CGNL1: variants seen among roughly 807,000 people sequenced by gnomAD.
CGNL1 encodes the protein cingulin like 1.
In CGNL1, 132 loss-of-function variants were observed where a neutral mutation model predicts 141.2. The observed-to-expected ratio is 0.93, with a 90% confidence interval of 0.81 to 1.08. CGNL1 has a LOEUF of 1.08. CGNL1 is among the 50% of genes least tolerant of loss of function. The probability of loss-of-function intolerance (pLI) is 0.00; values close to 1 mark genes in which losing one functional copy is unlikely to be tolerated. For missense variants in CGNL1, 1,870 were observed against 1,588.6 expected (o/e 1.18, Z -3.01); for synonymous variants, 690 against 622.1 (o/e 1.11, Z -1.63).
At chr15:57,454,902 A>G (rs1267469382) in intron 7 of CGNL1, among the ~76,000 whole-genome samples, 1 of 152,092 alleles carries the variant, frequency 6.6e-6, no homozygotes, top group Non-Finnish European at 1.5e-5. Context: ...GAAAATTGAA[A>G]AAAGGGGGAG....
intron 14 of CGNL1, among the ~76,000 whole-genome samples, chr15:57,537,341 C>T (rs530355587): frequency 1.2e-4 from 19 of 152,098 alleles, no homozygotes; most frequent in Middle Eastern, 3.2e-3. Context: ...CAGTCACTTT[C>T]GGGAACTGCT....
intron 1 of CGNL1, among the ~76,000 whole-genome samples, chr15:57,435,106 G>T (rs576452682): frequency 6.6e-6 from 1 of 152,258 alleles, no homozygotes; most frequent in South Asian, 2.1e-4. Flanking sequence ...AAGATTTAAG[G>T]ATAGGTGTAT....
In CGNL1 at chr15:57,383,200, T is replaced by C. The variant is rs1404337942; in HGVS notation, c.-16+6633T>C. Among the ~76,000 whole-genome samples, 6 of 151,926 alleles carry C rather than the reference T, an allele frequency of 3.9e-5. No homozygotes were observed. The East Asian group carries it at 1.2e-3, about 29-fold the overall frequency. ...GCTTTAGGTGCTGGAGAGGACCTGATAAAGAATGGAGTGAGAGATAAGAGA... is the reference window on the plus strand; with the variant it reads ...GCTTTAGGTGCTGGAGAGGACCTGACAAAGAATGGAGTGAGAGATAAGAGA... On this transcript the variant is annotated intron_variant, in intron 1 of 18. Transcript: ENST00000281282.
intron 1 of CGNL1, among the ~76,000 whole-genome samples, chr15:57,386,128 A>G (rs371537726): frequency 6.6e-6 from 1 of 152,190 alleles, no homozygotes; most frequent in Non-Finnish European, 1.5e-5. Context: ...ACATGACTTA[A>G]CTTCATTTGA....
intron 1 of CGNL1, among the ~76,000 whole-genome samples, chr15:57,429,092 G>C (rs1309951694): frequency 1.3e-5 from 2 of 151,988 alleles, no homozygotes. Context: ...TCTTTTGTTG[G>C]GTACTTGCAA....
chr15:57,480,281 G>A (rs1422261647), intron 8 of CGNL1, among the ~76,000 whole-genome samples: 1 of 152,136 alleles, frequency 6.6e-6, no homozygotes, highest in African/African-American at 2.4e-5. Flanking sequence ...ACTTTGGGAG[G>A]TCGAGGTGGG....
At chr15:57,469,424 G>A (rs1217004700) in intron 8 of CGNL1, among the ~76,000 whole-genome samples, 1 of 150,554 alleles carries the variant, frequency 6.6e-6, no homozygotes, top group African/African-American at 2.4e-5. Context: ...AAGCGAAGGG[G>A]GCCGAGGGCC....
Position 57,547,569 on chromosome 15 carries a change from C to T in CGNL1, c.*79C>T. The T allele has an allele frequency of 6.6e-7, 1 of 1,518,028 alleles. No homozygotes were observed. The highest frequency in any genetic ancestry group is 9.0e-7 in the Non-Finnish European group (1 of 1,115,110). The allele number at this position is 1,518,028 out of a possible 1,614,324, so 94.0% of individuals were successfully genotyped here. A position where few individuals can be genotyped will look rare whatever the true frequency, so the allele number is the denominator to read the frequency against. On this transcript the variant is annotated 3_prime_UTR_variant, in exon 19 of 19. Coordinates refer to ENST00000281282, the MANE Select transcript of CGNL1 (RefSeq NM_032866.5). Reference sequence around the variant, plus strand: ...CCAAAGTGGGAGGCAGGGAGGGGAGCATCTGTCTGCCACTGAGACCAATCA... The same window carrying T: ...CCAAAGTGGGAGGCAGGGAGGGGAGTATCTGTCTGCCACTGAGACCAATCA...
chr15:57,516,819 C>G lies in CGNL1; in HGVS notation c.2443C>G (p.Gln815Glu). 6.2e-7 allele frequency: 1 copy of G among 1,614,164 alleles called. No homozygotes were observed. The highest frequency in any genetic ancestry group is 8.5e-7 in the Non-Finnish European group (1 of 1,180,030). ...VLASRSNTSEQDQAGTEMRVK... is the reference protein window; with the variant it reads ...VLASRSNTSEEDQAGTEMRVK... ...GGCGAGCAGGAGCAACACTTCAGAG[C>G]AAGACCAGGCGGGGACTGAAATGCG... Residue 815 changes from glutamine (Q) to glutamate (E), a missense_variant, in exon 9 of 19, where the codon CAA (glutamine) becomes GAA (glutamate). Physicochemically the swap from Gln to Glu is conservative, Grantham distance 29 (BLOSUM62 2). Transcript: ENST00000281282.
chr15:57,539,781 G>A (rs1467028771), intron 14 of CGNL1, among the ~76,000 whole-genome samples: 1 of 152,198 alleles, frequency 6.6e-6, no homozygotes, highest in Non-Finnish European at 1.5e-5. Context: ...CCAGGGCACA[G>A]CTGCAGATCC....
intron 1 of CGNL1, among the ~76,000 whole-genome samples, chr15:57,407,498 A>C (rs113334168): frequency 0.14 from 21,768 of 151,868 alleles, 1,930 homozygotes; most frequent in African/African-American, 0.25. Context: ...CATAGTGACA[A>C]CCTGTCTCAA....
chr15:57,377,461 T>C (rs767859223), intron 1 of CGNL1, among the ~76,000 whole-genome samples: 3 of 152,294 alleles, frequency 2.0e-5, no homozygotes, highest in Middle Eastern at 3.4e-3. Context: ...GTGATTCTAA[T>C]GTGCAGGCAA....
intron 18 of CGNL1, 41 bp from the exon 19 acceptor site, chr15:57,547,314 C>T (rs760314363): frequency 5.0e-5 from 81 of 1,606,506 alleles, no homozygotes; most frequent in South Asian, 1.2e-4. Flanking sequence ...CTATGGGCCC[C>T]GGCCCAGGGC....
At chr15:57,452,654 G>C (rs1006599851) in intron 6 of CGNL1, among the ~76,000 whole-genome samples, 1 of 151,834 alleles carries the variant, frequency 6.6e-6, no homozygotes, top group Non-Finnish European at 1.5e-5. Flanking sequence ...CGTGGCCCCC[G>C]TGAGCTCTCA....
At chr15:57,491,200 A>G (rs1156737827) in intron 8 of CGNL1, among the ~76,000 whole-genome samples, 1 of 152,246 alleles carries the variant, frequency 6.6e-6, no homozygotes, top group East Asian at 1.9e-4. Context: ...AGATGCAGTA[A>G]CAGGGGAAGC....
rs572452384 is a variant in CGNL1, at chr15:57,507,669, A to G, written c.2404-9111A>G. Among the ~76,000 whole-genome samples, 3 of 152,334 alleles carry G rather than the reference A, an allele frequency of 2.0e-5. No individual in the cohort carries two copies. The East Asian group carries it at 5.8e-4, about 29-fold the overall frequency. On this transcript the variant is annotated intron_variant, in intron 8 of 18. Transcript: ENST00000281282. ...ACTCTACAAGTACGGCAGGTTAATG[A>G]CCATAAGGAGAGAATGGCCCTCACC...
At chr15:57,451,360 G>C in intron 4 of CGNL1, 140 bp from the exon 5 acceptor site, 1 of 605,352 alleles carries the variant, frequency 1.7e-6, no homozygotes, top group Non-Finnish European at 2.9e-6. Context: ...TCCCTGAAGG[G>C]GTTGATGTTT....
intron 9 of CGNL1, 95 bp downstream of exon 9, chr15:57,517,081 T>C: frequency 8.2e-7 from 1 of 1,217,024 alleles, no homozygotes; most frequent in Admixed American, 2.1e-5. Context: ...TTTATTGTCA[T>C]GATGTAGTAG....
intron 9 of CGNL1, among the ~76,000 whole-genome samples, chr15:57,517,836 G>A (rs1432131975): frequency 2.0e-5 from 3 of 152,156 alleles, no homozygotes; most frequent in African/African-American, 7.2e-5. Context: ...TCATTACAAT[G>A]GCAATTAAAC....
Sources: allele counts gnomAD v4.1 joint callset (sites outside exome capture counted in the v4.1 genomes callset), GRCh38; gene constraint gnomAD v4.1.1; transcripts MANE v1.5; gene names NCBI Gene and HGNC (gene_info 2026-07-23, HGNC 2026-07-21).